Variants in DAB2IP observed in about 807,000 individuals in gnomAD.
DAB2IP encodes disabled homolog 2-interacting protein.
Under a neutral mutation model 107.2 loss-of-function variants are expected in DAB2IP, and 28 were observed. The ratio of observed to expected loss-of-function variants is 0.26; its 90% CI spans 0.19 to 0.36. The LOEUF (loss-of-function observed/expected upper bound fraction) is 0.36, where lower values mean the gene tolerates loss of function less well. Ranked by LOEUF, DAB2IP falls within the 10% of genes least tolerant of loss-of-function variation. The pLI, the probability that DAB2IP is intolerant of heterozygous loss-of-function variation, is 1.00. For synonymous variants in DAB2IP, 755 were observed against 706.4 expected, an observed-to-expected ratio of 1.07 and a Z score of -1.09; for missense variants, 1,400 against 1,644.7, an observed-to-expected ratio of 0.85 and a Z score of 2.57.
At chr9:121,711,424 C>T (rs1012729418) in intron 3 of DAB2IP, among the ~76,000 whole-genome samples, 2 of 152,124 alleles carry the variant, frequency 1.3e-5, no homozygotes, top group African/African-American at 4.8e-5. Context: ...ATTTGTGACC[C>T]AGGAGATGAA....
intron 1 of DAB2IP, among the ~76,000 whole-genome samples, chr9:121,624,381 C>T (rs73546126): frequency 0.049 from 7,468 of 152,248 alleles, 617 homozygotes; most frequent in African/African-American, 0.17. Context: ...AAATAGCCTA[C>T]GGCCAAATCC....
At chr9:121,589,916 C>CTCCCTTCCCT (rs145754287) in intron 1 of DAB2IP, among the ~76,000 whole-genome samples, 4,317 of 92,092 alleles carry the variant, frequency 0.047, 190 homozygotes, top group Admixed American at 0.063. Context: ...CCCAGTCCTG[C>CTCCCTTCCCT]TCCCTTCCCT....
At chr9:121,605,864 T>C (rs189332852) in intron 1 of DAB2IP, among the ~76,000 whole-genome samples, 183 of 152,256 alleles carry the variant, frequency 1.2e-3, no homozygotes, top group African/African-American at 4.1e-3. Flanking sequence ...GTGGGGGTTA[T>C]TGGGATTGTG....
At chr9:121,644,493 A>G (rs909615518) in intron 1 of DAB2IP, among the ~76,000 whole-genome samples, 4 of 152,102 alleles carry the variant, frequency 2.6e-5, no homozygotes, top group Non-Finnish European at 4.4e-5. Flanking sequence ...GTTACTCAAG[A>G]GGCTGAGGCA....
chr9:121,722,307 C>T (rs1830983256), intron 3 of DAB2IP, among the ~76,000 whole-genome samples: 1 of 152,192 alleles, frequency 6.6e-6, no homozygotes, highest in Non-Finnish European at 1.5e-5. Context: ...TTCCCTTCTC[C>T]TCTTCCTGTT....
chr9:121,673,027 C>T (rs1833744252), intron 1 of DAB2IP, among the ~76,000 whole-genome samples: 1 of 152,260 alleles, frequency 6.6e-6, no homozygotes, highest in African/African-American at 2.4e-5. Context: ...GGTCAGTTCC[C>T]TGCCTTCTTT....
chr9:121,621,984 C>CTTTTTTTT (rs1202929145), intron 1 of DAB2IP, among the ~76,000 whole-genome samples: 8 of 99,696 alleles, frequency 8.0e-5, no homozygotes, highest in Non-Finnish European at 9.9e-5. Flanking sequence ...TTTTTTCTTT[C>CTTTTTTTT]TTTTTTTTTT....
At chr9:121,709,267 C>T (rs1478730930) in intron 3 of DAB2IP, among the ~76,000 whole-genome samples, 7 of 152,200 alleles carry the variant, frequency 4.6e-5, no homozygotes, top group Non-Finnish European at 1.0e-4. Flanking sequence ...GCCCCTGGAG[C>T]TGCTGGAGAA....
rs908623993 is a variant in DAB2IP at position 121,772,830 on chromosome 9, G to A, written c.2302G>A (p.Asp768Asn). 4.4e-6 allele frequency: 7 copies of A among 1,603,830 alleles called. No individual in the cohort carries two copies. The East Asian group carries it at 6.7e-5, about 15-fold the overall frequency. The change falls in exon 12 of 16, where the codon GAC (aspartate) becomes AAC (asparagine). Residue 768 changes from aspartate (D) to asparagine (N), a missense_variant. Physicochemically the swap from Asp to Asn is conservative, Grantham distance 23. Coordinates refer to ENST00000408936, the Ensembl canonical transcript of DAB2IP. The surrounding 1 kb of genome is among the most constrained non-coding windows in gnomAD (Gnocchi z 4.7). ...GGAGGCAGGCTCCCCGGCGGGCCCC[G>A]ACGTCCTCCCCACAGATGGGCAGGC...
chr9:121,572,300 G>A (rs1452655862), intron 1 of DAB2IP, among the ~76,000 whole-genome samples: 1 of 152,096 alleles, frequency 6.6e-6, no homozygotes, highest in Admixed American at 6.5e-5. Flanking sequence ...AGACTATAAG[G>A]CCCTTGAGGG....
intron 3 of DAB2IP, among the ~76,000 whole-genome samples, chr9:121,700,331 G>A (rs767564708): frequency 6.6e-6 from 1 of 152,194 alleles, no homozygotes; most frequent in South Asian, 2.1e-4. Flanking sequence ...GGCACTGGGC[G>A]GACACAGCCT....
chr9:121,759,032 T>C (rs1312300132), intron 5 of DAB2IP, 36 bp downstream of exon 5: 1 of 1,580,042 alleles, frequency 6.3e-7, no homozygotes, highest in Admixed American at 1.8e-5. Context: ...GCATGGGGGA[T>C]TGAAGGTAGG....
chr9:121,581,373 G>C (rs575402593), intron 1 of DAB2IP, among the ~76,000 whole-genome samples: 1 of 152,224 alleles, frequency 6.6e-6, no homozygotes, highest in Non-Finnish European at 1.5e-5. Context: ...CTCAACTTGT[G>C]GGGGAGCAGG....
In DAB2IP at chr9:121,621,247, C is replaced by G. The variant is rs143032247; in HGVS notation, c.40+54019C>G. Among the ~76,000 whole-genome samples, 427 of 152,238 alleles carry G rather than the reference C, an allele frequency of 2.8e-3. 4 individuals carry two copies. The highest frequency in any genetic ancestry group is 9.8e-3 in the African/African-American group (409 of 41,554). On this transcript the variant is annotated intron_variant, in intron 1 of 16. Transcript: ENST00000259371. ...GCTGCCTCCAGGGGGAGTCCCTGGA[C>G]CTTGGTCTGAGGGGTCCCTCCCTTG... is the stretch of plus-strand genomic sequence containing the variant.
intron 4 of DAB2IP, among the ~76,000 whole-genome samples, chr9:121,757,948 C>T (rs1232213035): frequency 6.6e-6 from 1 of 152,224 alleles, no homozygotes; most frequent in South Asian, 2.1e-4. Context: ...GCACCCCCAG[C>T]CCTGGGGAAA....
At chr9:121,744,889 T>C (rs1317578822) in intron 3 of DAB2IP, among the ~76,000 whole-genome samples, 1 of 152,188 alleles carries the variant, frequency 6.6e-6, no homozygotes, top group African/African-American at 2.4e-5. Flanking sequence ...ACGGATAGGC[T>C]GCTGGAGTGC....
At chr9:121,778,765 G>T (rs144323308) in intron 14 of DAB2IP, among the ~76,000 whole-genome samples, 2 of 152,314 alleles carry the variant, frequency 1.3e-5, no homozygotes, top group African/African-American at 4.8e-5. Context: ...ACAAAAACAG[G>T]CAATGGTCCA....
At chr9:121,676,624 G>A (rs1461245948) in intron 1 of DAB2IP, among the ~76,000 whole-genome samples, 1 of 101,642 alleles carries the variant, frequency 9.8e-6, no homozygotes, top group Non-Finnish European at 2.1e-5. Flanking sequence ...GGTGTTAGGA[G>A]TTCTGCAGAC....
intron 1 of DAB2IP, among the ~76,000 whole-genome samples, chr9:121,595,268 C>T (rs1440787232): frequency 1.3e-5 from 2 of 151,300 alleles, no homozygotes; most frequent in Admixed American, 6.6e-5. Flanking sequence ...AAGAATAAAA[C>T]AAACACTGTG....
Sources: gnomAD v4.1 joint callset for allele counts (sites outside exome capture counted in the v4.1 genomes callset) on GRCh38, gnomAD v4.1.1 for gene constraint, Gnocchi (gnomAD v3.1) non-coding constraint, MANE v1.5 for transcripts, NCBI Gene and HGNC (gene_info 2026-07-23, HGNC 2026-07-21) for gene names.